The following NSF variants were observed in gnomAD, a reference collection of about 807,000 sequenced individuals.
NSF encodes the protein N-ethylmaleimide sensitive factor, vesicle fusing ATPase.
Under a neutral mutation model 50.3 loss-of-function variants are expected in NSF, and 14 were observed. The observed-to-expected ratio is 0.28, with a 90% CI of 0.18 to 0.44. The LOEUF (loss-of-function observed/expected upper bound fraction) is 0.44. Among genes scored for constraint, NSF ranks in the 20% least tolerant of loss-of-function variants. NSF has a pLI of 1.00. For missense variants in NSF, 218 were observed against 504.3 expected (o/e 0.43, Z 5.44); for synonymous variants, 109 against 175.7 (o/e 0.62, Z 3.00).
chr17:46,708,818 A>ATTT (rs1406232958), intron 13 of NSF, among the ~76,000 whole-genome samples: 1 of 104,816 alleles, frequency 9.5e-6, no homozygotes, highest in African/African-American at 3.8e-5. Flanking sequence ...ATATATATAT[A>ATTT]TATATTTTTT....
chr17:46,724,401 T>C (rs2058865584), intron 15 of NSF, among the ~76,000 whole-genome samples: 2 of 152,146 alleles, frequency 1.3e-5, no homozygotes, highest in African/African-American at 4.8e-5. Flanking sequence ...CTCAAGCTAA[T>C]AGATAATAGA....
chr17:46,711,262 G>A (rs1402945218), intron 14 of NSF, 143 bp downstream of exon 14: 19 of 770,198 alleles, frequency 2.5e-5, no homozygotes, highest in Non-Finnish European at 3.4e-5. Flanking sequence ...TCCAATCTAT[G>A]TACCAATATT....
chr17:46,713,771 T>C lies in NSF; in HGVS notation c.1628-82T>C, dbSNP rs2058741179. 3.0e-5 allele frequency: 41 copies of C among 1,383,168 alleles called. No homozygotes were observed. In the South Asian group the frequency reaches 5.1e-4, roughly 17 times the overall value. 85.7% of individuals were successfully genotyped at this position (1,383,168 alleles called of 1,614,324 possible). A position where few individuals can be genotyped will look rare whatever the true frequency, so the allele number is the denominator to read the frequency against. ...GCAACTAGTCGAGACCTCAGTATGTTCTGGATAAAAGTTTAAACTTGTTTT... is the reference window on the plus strand; with the variant it reads ...GCAACTAGTCGAGACCTCAGTATGTCCTGGATAAAAGTTTAAACTTGTTTT... On this transcript the variant is annotated intron_variant, in intron 14 of 20. Transcript: ENST00000398238.
chr17:46,751,702 TTTAA>T (rs1342465053), intron 19 of NSF, 86 bp downstream of exon 19: 1 of 707,338 alleles, frequency 1.4e-6, no homozygotes, highest in East Asian at 2.9e-5. Flanking sequence ...TTGCCAAGGT[TTTAA>T]TTAATTTAAG....
chr17:46,671,979 A>G lies in NSF; in HGVS notation c.746-2435A>G, dbSNP rs1040908066. Among the ~76,000 whole-genome samples, 10 of 139,336 alleles carry G rather than the reference A, an allele frequency of 7.2e-5. 2 individuals carry two copies. Among genetic ancestry groups the G allele is most frequent in the African/African-American group, 2.6e-4 (10 of 38,552 alleles). The allele number at this position is 139,336 out of a possible 152,430, so 91.4% of individuals were successfully genotyped here. A position where few individuals can be genotyped will look rare whatever the true frequency, so the allele number is the denominator to read the frequency against. ...TTCAAATAATTTTTTAAAATCCTTC[A>G]TATTCTTTGAGTTTTGTAGGAAAAG... is the stretch of plus-strand genomic sequence containing the variant. On this transcript the variant is annotated intron_variant, in intron 8 of 20. Coordinates refer to ENST00000398238, the MANE Select transcript of NSF (RefSeq NM_006178.4).
intron 17 of NSF, among the ~76,000 whole-genome samples, chr17:46,733,488 CTT>C (rs1230728624): frequency 1.3e-5 from 2 of 152,198 alleles, no homozygotes; most frequent in Non-Finnish European, 2.9e-5. Context: ...GGGTTTGACA[CTT>C]TTGTGCATCA....
At chr17:46,712,660 C>T (rs172026) in intron 14 of NSF, among the ~76,000 whole-genome samples, 115 of 152,250 alleles carry the variant, frequency 7.6e-4, no homozygotes, top group Non-Finnish European at 1.4e-3. Flanking sequence ...AGTATATAGA[C>T]TGTGGTTGAA....
At chr17:46,728,755 CTG>C in intron 16 of NSF, 98 bp from the exon 17 acceptor site, 1 of 700,200 alleles carries the variant, frequency 1.4e-6, no homozygotes, top group Non-Finnish European at 2.3e-6. Flanking sequence ...TATGTAGGGA[CTG>C]TGTTTACTTT....
At position 46,728,796 on chromosome 17, in the gene NSF, A is replaced by G. The variant is rs1598721873; in HGVS notation, c.1829-59A>G. 4.2e-6 allele frequency: 5 copies of G among 1,198,274 alleles called. No homozygotes were observed. In the Middle Eastern group the frequency reaches 7.9e-4, roughly 189 times the overall value. The allele number at this position is 1,198,274 out of a possible 1,614,324, so 74.2% of individuals were successfully genotyped here. ...TGCAAAAAAAAAAAACAAAAACTGAATGTTTGGAATATGTACATGTGTATC... is the reference window on the plus strand; with the variant it reads ...TGCAAAAAAAAAAAACAAAAACTGAGTGTTTGGAATATGTACATGTGTATC... On this transcript the variant is annotated intron_variant, in intron 16 of 20. Coordinates refer to ENST00000398238, the MANE Select transcript of NSF (RefSeq NM_006178.4).
chr17:46,731,153 C>T (rs1250336504), intron 17 of NSF, among the ~76,000 whole-genome samples: 1 of 151,844 alleles, frequency 6.6e-6, no homozygotes, highest in Non-Finnish European at 1.5e-5. Flanking sequence ...GAATATTACT[C>T]AGCAATAAAA....
intron 17 of NSF, among the ~76,000 whole-genome samples, chr17:46,744,935 T>C (rs192164300): frequency 6.6e-6 from 1 of 152,270 alleles, no homozygotes; most frequent in East Asian, 1.9e-4. Flanking sequence ...GATTGGCAGA[T>C]AGTCATTTTA....
At chr17:46,752,085 T>C (rs2059186742) in intron 19 of NSF, among the ~76,000 whole-genome samples, 1 of 152,180 alleles carries the variant, frequency 6.6e-6, no homozygotes, top group Non-Finnish European at 1.5e-5. Context: ...GTTAATTAAG[T>C]TGTGCAGTCT....
chr17:46,703,705 C>A (rs201345938), intron 12 of NSF, among the ~76,000 whole-genome samples: 4,846 of 110,234 alleles, frequency 0.044, 4 homozygotes, highest in Non-Finnish European at 0.061. Context: ...AAAAAAAAAA[C>A]AAAAAACAGA....
intron 13 of NSF, among the ~76,000 whole-genome samples, chr17:46,705,657 G>A (rs1281793706): frequency 6.6e-6 from 1 of 151,434 alleles, no homozygotes; most frequent in African/African-American, 2.4e-5. Context: ...AATAACATAT[G>A]GTATATGTAG....
intron 13 of NSF, among the ~76,000 whole-genome samples, chr17:46,709,797 G>C (rs902396155): frequency 6.6e-6 from 1 of 152,110 alleles, no homozygotes; most frequent in Admixed American, 6.6e-5. Flanking sequence ...GCCCGGCCAT[G>C]AAAATTTCTT....
chr17:46,735,314 C>T (rs1469782604), intron 17 of NSF, among the ~76,000 whole-genome samples: 1 of 152,038 alleles, frequency 6.6e-6, no homozygotes, highest in Non-Finnish European at 1.5e-5. Flanking sequence ...AGAATGTATT[C>T]TTCCAGATCC....
intron 17 of NSF, among the ~76,000 whole-genome samples, chr17:46,737,482 G>A (rs1321285375): frequency 1.3e-5 from 2 of 152,092 alleles, no homozygotes; most frequent in Admixed American, 6.5e-5. Flanking sequence ...TAGCTCATAC[G>A]AGGTGCTGGG....
At chr17:46,737,446 C>T (rs1469994898) in intron 17 of NSF, among the ~76,000 whole-genome samples, 1 of 152,190 alleles carries the variant, frequency 6.6e-6, no homozygotes, top group African/African-American at 2.4e-5. Context: ...AACCCTAACG[C>T]TGAACAAGAG....
At chr17:46,729,646 C>T (rs892026204) in intron 17 of NSF, among the ~76,000 whole-genome samples, 2 of 152,022 alleles carry the variant, frequency 1.3e-5, no homozygotes, top group African/African-American at 2.4e-5. Context: ...TGAAAAATGC[C>T]AATCAAAGGC....
Sources: allele counts gnomAD v4.1 joint callset (sites outside exome capture counted in the v4.1 genomes callset), GRCh38; gene constraint gnomAD v4.1.1; transcripts MANE v1.5; gene names NCBI Gene and HGNC (gene_info 2026-07-23, HGNC 2026-07-21).